TOM1L2: variants seen among roughly 807,000 people sequenced by gnomAD.
TOM1L2 encodes the protein target of myb1 like 2 membrane trafficking protein.
In TOM1L2, 31 loss-of-function variants were observed where a neutral mutation model predicts 67.9. The ratio of observed to expected loss-of-function variants is 0.46; its 90% CI spans 0.34 to 0.62. The LOEUF is 0.62. Ranked by LOEUF, TOM1L2 falls within the 20% of genes least tolerant of loss-of-function variation. The probability of loss-of-function intolerance (pLI) is 0.01; values close to 1 mark genes in which losing one functional copy is unlikely to be tolerated. For synonymous variants in TOM1L2, 256 were observed against 254.0 expected (o/e 1.01, Z -0.07); for missense variants, 606 against 663.5 (o/e 0.91, Z 0.95).
rs370170703 is a variant in TOM1L2 at position 17,847,638 on chromosome 17, C to T, written c.1521G>A (p.Leu507=). Residue 507 remains leucine (L), a synonymous_variant, in exon 15 of 15, where the codon CTG becomes CTA. Coordinates refer to ENST00000379504, the MANE Select transcript of TOM1L2 (RefSeq NM_001082968.2). The part of the protein sequence containing the change: ...PERSEDALFA[L] Reference sequence around the variant, plus strand: ...GGGAGGCAAACCACAGAGCTGCTCACAGGGCGAAGAGGGCATCCTCTGACC... The same window carrying T: ...GGGAGGCAAACCACAGAGCTGCTCATAGGGCGAAGAGGGCATCCTCTGACC... The T allele has an allele frequency of 4.4e-6, 7 of 1,607,836 alleles. No individual in the cohort carries two copies. The highest frequency in any genetic ancestry group is 1.1e-5 in the South Asian group (1 of 90,452).
At chr17:17,944,441 A>G (rs1035108967) in intron 1 of TOM1L2, among the ~76,000 whole-genome samples, 1 of 152,254 alleles carries the variant, frequency 6.6e-6, no homozygotes, top group Non-Finnish European at 1.5e-5. Flanking sequence ...AATGACACCG[A>G]CAGCTTGACG....
At chr17:17,877,634 G>A (rs1414487569) in intron 7 of TOM1L2, among the ~76,000 whole-genome samples, 1 of 152,194 alleles carries the variant, frequency 6.6e-6, no homozygotes, top group Non-Finnish European at 1.5e-5. Context: ...GGCTGTGTCT[G>A]TTCACGGCTG....
At chr17:17,861,591 T>G (rs765502240) in intron 11 of TOM1L2, 40 bp from the exon 12 acceptor site, 1 of 1,590,978 alleles carries the variant, frequency 6.3e-7, no homozygotes, top group South Asian at 1.1e-5. Context: ...TTCATTTTCC[T>G]CCAGTGGTCA....
Position 17,847,594 on chromosome 17 carries a change from A to T in TOM1L2, c.*41T>A, listed in dbSNP as rs1045854415. The T allele has an allele frequency of 6.4e-7, 1 of 1,570,668 alleles. No homozygotes were observed. Among genetic ancestry groups the T allele is most frequent in the Non-Finnish European group, 8.6e-7 (1 of 1,159,848 alleles). ...CAGTGCCCGGTGTCCACGGGGTGCG[A>T]GCGGGGACCCGCCATCTGGGGAGGC... On this transcript the variant is annotated 3_prime_UTR_variant, in exon 15 of 15. Transcript: ENST00000379504.
chr17:17,915,425 A>G (rs1038019178), intron 1 of TOM1L2, among the ~76,000 whole-genome samples: 5 of 152,220 alleles, frequency 3.3e-5, no homozygotes, highest in Admixed American at 1.3e-4. Context: ...TCTAATGACT[A>G]CTGATGTTGA....
At chr17:17,919,623 C>T (rs2039770725) in intron 1 of TOM1L2, among the ~76,000 whole-genome samples, 2 of 152,160 alleles carry the variant, frequency 1.3e-5, no homozygotes, top group Non-Finnish European at 2.9e-5. Context: ...TCCACATTTC[C>T]TGGACCCCAG....
chr17:17,935,110 A>C (rs2040469142), intron 1 of TOM1L2, among the ~76,000 whole-genome samples: 1 of 152,266 alleles, frequency 6.6e-6, no homozygotes, highest in African/African-American at 2.4e-5. Context: ...TCCAATTGGT[A>C]CATTCTCGGC....
At chr17:17,851,553 G>A (rs1489774166) in intron 12 of TOM1L2, among the ~76,000 whole-genome samples, 1 of 152,226 alleles carries the variant, frequency 6.6e-6, no homozygotes, top group Non-Finnish European at 1.5e-5. Flanking sequence ...GCTGGGCTGG[G>A]TGTGGCCTGG....
chr17:17,848,496 G>A (rs1002809076), intron 14 of TOM1L2, among the ~76,000 whole-genome samples: 5 of 152,220 alleles, frequency 3.3e-5, no homozygotes, highest in Non-Finnish European at 7.3e-5. Context: ...GTGCTGCTGC[G>A]CACCTCCACA....
chr17:17,937,304 G>A (rs553956533), intron 1 of TOM1L2, among the ~76,000 whole-genome samples: 28 of 152,248 alleles, frequency 1.8e-4, no homozygotes, highest in East Asian at 1.2e-3. Context: ...AAGGAACACC[G>A]ACATTTTTAT....
At chr17:17,858,711 T>C (rs149429221) in intron 12 of TOM1L2, 1 of 152,484 alleles carries the variant, frequency 6.6e-6, no homozygotes, top group Non-Finnish European at 1.5e-5. Context: ...GCCTCCCAAG[T>C]AGCTGGGATT....
At chr17:17,944,516 T>C (rs2040862892) in intron 1 of TOM1L2, among the ~76,000 whole-genome samples, 1 of 152,236 alleles carries the variant, frequency 6.6e-6, no homozygotes, top group African/African-American at 2.4e-5. Context: ...AGAGATTTGG[T>C]GTCTTAGAAG....
chr17:17,901,784 G>A (rs2038868809), intron 2 of TOM1L2, among the ~76,000 whole-genome samples: 1 of 152,218 alleles, frequency 6.6e-6, no homozygotes, highest in Admixed American at 6.5e-5. Context: ...CAGGTCAGGG[G>A]TTCCTCATGA....
At chr17:17,901,193 C>G (rs2144329295) in intron 2 of TOM1L2, among the ~76,000 whole-genome samples, 1 of 152,246 alleles carries the variant, frequency 6.6e-6, no homozygotes, top group East Asian at 1.9e-4. Context: ...GGGGGAAAAG[C>G]TTCAGAGAGG....
chr17:17,966,244 T>A (rs190687645), intron 1 of TOM1L2, among the ~76,000 whole-genome samples: 50 of 152,344 alleles, frequency 3.3e-4, no homozygotes, highest in African/African-American at 1.1e-3. Context: ...ATCTTGCAAC[T>A]ACTTTCTATC....
At chr17:17,960,600 A>G (rs1372377077) in intron 1 of TOM1L2, among the ~76,000 whole-genome samples, 1 of 152,172 alleles carries the variant, frequency 6.6e-6, no homozygotes, top group African/African-American at 2.4e-5. Flanking sequence ...GGCTGCCCAG[A>G]ATACTAGTAT....
chr17:17,846,516 A>G lies in TOM1L2; in HGVS notation c.*1119T>C, dbSNP rs1394989420. On this transcript the variant is annotated 3_prime_UTR_variant, in exon 15 of 15. Coordinates refer to ENST00000379504, the MANE Select transcript of TOM1L2 (RefSeq NM_001082968.2). ...TTCAGGATCAGCTTGGGGAGAGAGTATAAATTGGTGGCCAGAGGACCTCTG... is the reference window on the plus strand; with the variant it reads ...TTCAGGATCAGCTTGGGGAGAGAGTGTAAATTGGTGGCCAGAGGACCTCTG... 6.6e-6 allele frequency: 1 copy of G among 152,552 alleles called. No homozygotes were observed. The highest frequency in any genetic ancestry group is 1.9e-4 in the East Asian group (1 of 5,196). The allele number at this position is 152,552 out of a possible 1,614,324, so 9.4% of individuals were successfully genotyped here. A position where few individuals can be genotyped will look rare whatever the true frequency, so the allele number is the denominator to read the frequency against.
In TOM1L2 at chr17:17,971,815, G is replaced by A. The variant is rs139816500; in HGVS notation, c.52+447C>T. Among the ~76,000 whole-genome samples, 244 of 152,378 alleles carry A rather than the reference G, an allele frequency of 1.6e-3. 1 individual carries two copies. Among genetic ancestry groups the A allele is most frequent in the African/African-American group, 5.6e-3 (231 of 41,594 alleles). ...AAGCCTGGGGCATCTCCGAGTCCAA[G>A]TTGGGCCTCAGGGGTGCCTCCTGGC... On this transcript the variant is annotated intron_variant, in intron 1 of 14. Transcript: ENST00000379504.
intron 1 of TOM1L2, among the ~76,000 whole-genome samples, chr17:17,969,467 A>C: frequency 6.6e-6 from 1 of 151,946 alleles, no homozygotes; most frequent in South Asian, 2.1e-4. Flanking sequence ...AATACTAACA[A>C]CACTAAATAT....
Sources: gnomAD v4.1 joint callset for allele counts (sites outside exome capture counted in the v4.1 genomes callset) on GRCh38, gnomAD v4.1.1 for gene constraint, MANE v1.5 for transcripts, NCBI Gene and HGNC (gene_info 2026-07-23, HGNC 2026-07-21) for gene names.